The following RANBP17 variants were observed in gnomAD, a reference collection of about 807,000 sequenced individuals.
RANBP17 encodes RAN binding protein 17, also known as ran-binding protein 17.
Under a neutral mutation model 141.2 loss-of-function variants are expected in RANBP17, and 158 were observed. The observed-to-expected ratio is 1.12, with a 90% CI of 0.98 to 1.28. The LOEUF is 1.28. Among genes scored for constraint, RANBP17 ranks in the 50% most tolerant of loss-of-function variants. The pLI is 0.00. For synonymous variants in RANBP17, 430 were observed against 450.0 expected (o/e 0.96, Z 0.56); for missense variants, 1,438 against 1,290.7 (o/e 1.11, Z -1.75).
intron 14 of RANBP17, among the ~76,000 whole-genome samples, chr5:171,088,229 A>G (rs1785853128): frequency 6.6e-6 from 1 of 151,780 alleles, no homozygotes; most frequent in African/African-American, 2.4e-5. Flanking sequence ...TATGAAGCTT[A>G]GTTTGGCTGG....
At chr5:170,937,683 G>A (rs982589200) in intron 12 of RANBP17, among the ~76,000 whole-genome samples, 1 of 152,126 alleles carries the variant, frequency 6.6e-6, no homozygotes, top group Non-Finnish European at 1.5e-5. Flanking sequence ...ATCTTTACAG[G>A]TGACCCTGTA....
intron 14 of RANBP17, among the ~76,000 whole-genome samples, chr5:171,031,731 T>TGAGTAGTAGCAACATGTA (rs1781561642): frequency 6.6e-6 from 1 of 152,036 alleles, no homozygotes; most frequent in Non-Finnish European, 1.5e-5. Flanking sequence ...TCATACCTCC[T>TGAGTAGTAGCAACATGTA]GAGTAGTAGC....
intron 22 of RANBP17, among the ~76,000 whole-genome samples, chr5:171,235,171 T>C (rs963332688): frequency 6.6e-6 from 1 of 152,158 alleles, no homozygotes; most frequent in African/African-American, 2.4e-5. Flanking sequence ...AGTCAGCCAT[T>C]ACATTTAGCA....
At chr5:171,035,737 G>GTTTTTTTTTTTTTTTTTTT (rs781327156) in intron 14 of RANBP17, among the ~76,000 whole-genome samples, 1 of 95,396 alleles carries the variant, frequency 1.0e-5, no homozygotes, top group Non-Finnish European at 2.5e-5. Flanking sequence ...TTCTTTTTTT[G>GTTTTTTTTTTTTTTTTTTT]TTTTTTTTTT....
intron 14 of RANBP17, among the ~76,000 whole-genome samples, chr5:171,082,355 A>G (rs140476844): frequency 0.016 from 2,413 of 152,264 alleles, 29 homozygotes; most frequent in Admixed American, 0.024. Flanking sequence ...GATTAATTCT[A>G]TATTTGATAA....
intron 25 of RANBP17, among the ~76,000 whole-genome samples, chr5:171,276,291 A>T (rs1357838799): frequency 6.6e-6 from 1 of 152,252 alleles, no homozygotes; most frequent in Admixed American, 6.5e-5. Context: ...TGAGTAATGA[A>T]TATTAAATAG....
At chr5:170,951,520 A>G (rs1775211799) in intron 12 of RANBP17, among the ~76,000 whole-genome samples, 1 of 152,172 alleles carries the variant, frequency 6.6e-6, no homozygotes, top group African/African-American at 2.4e-5. Context: ...GATTCCATTT[A>G]TATGAATTGC....
At chr5:171,273,527 A>G (rs1347658133) in intron 25 of RANBP17, among the ~76,000 whole-genome samples, 4 of 152,230 alleles carry the variant, frequency 2.6e-5, no homozygotes, top group Admixed American at 6.5e-5. Flanking sequence ...TTGTTGCCTT[A>G]TAAGAAGGTC....
chr5:171,208,911 T>C (rs562923683), intron 20 of RANBP17, among the ~76,000 whole-genome samples: 22 of 152,352 alleles, frequency 1.4e-4, no homozygotes, highest in African/African-American at 5.0e-4. Context: ...TTCTGTTCCC[T>C]GATACATAAT....
At chr5:170,869,640 A>G (rs1265030963) in intron 1 of RANBP17, among the ~76,000 whole-genome samples, 5 of 152,012 alleles carry the variant, frequency 3.3e-5, no homozygotes, top group East Asian at 1.9e-4. Context: ...ACATCTTCAT[A>G]TGGTCTTCCC....
intron 3 of RANBP17, among the ~76,000 whole-genome samples, chr5:170,889,459 GCAAA>G (rs1381401525): frequency 6.6e-6 from 1 of 152,060 alleles, no homozygotes. Context: ...GAAACAGGAA[GCAAA>G]CAAAAAATCG....
chr5:171,205,141 C>T (rs1382566686), intron 19 of RANBP17, among the ~76,000 whole-genome samples: 4 of 152,152 alleles, frequency 2.6e-5, no homozygotes, highest in African/African-American at 7.2e-5. Context: ...GTTGTGGGGC[C>T]GCTTGCATGC....
chr5:171,285,941 T>G (rs1377892893), intron 25 of RANBP17, among the ~76,000 whole-genome samples: 5 of 152,248 alleles, frequency 3.3e-5, no homozygotes, highest in Non-Finnish European at 7.3e-5. Flanking sequence ...TCTTCTTTCT[T>G]ACAAGCTAGG....
At chr5:170,895,981 A>C (rs1770080715) in intron 4 of RANBP17, 69 bp from the exon 5 acceptor site, 3 of 739,690 alleles carry the variant, frequency 4.1e-6, no homozygotes, top group African/African-American at 1.8e-5. Context: ...TGTAAATGTT[A>C]CCTGGTATAT....
At chr5:170,969,607 T>C (rs1401913571) in intron 14 of RANBP17, among the ~76,000 whole-genome samples, 1 of 151,996 alleles carries the variant, frequency 6.6e-6, no homozygotes, top group Non-Finnish European at 1.5e-5. Context: ...TTGGTGTAGG[T>C]CTTAAATCAA....
intron 24 of RANBP17, among the ~76,000 whole-genome samples, chr5:171,248,202 TA>T (rs1765338165): frequency 6.6e-6 from 1 of 151,772 alleles, no homozygotes; most frequent in African/African-American, 2.4e-5. Flanking sequence ...TCGTCTCTAC[TA>T]AAAATACAAA....
chr5:171,065,491 C>G (rs1232651552), intron 14 of RANBP17, among the ~76,000 whole-genome samples: 2 of 152,098 alleles, frequency 1.3e-5, no homozygotes, highest in Non-Finnish European at 2.9e-5. Flanking sequence ...GGTGATAATG[C>G]TGGCTTGCCC....
chr5:171,034,508 T>G (rs573502679), intron 14 of RANBP17, among the ~76,000 whole-genome samples: 1 of 152,344 alleles, frequency 6.6e-6, no homozygotes, highest in Admixed American at 6.5e-5. Context: ...CAGCCAACTC[T>G]ACCTGGTATA....
intron 24 of RANBP17, chr5:171,252,021 G>T (rs969128437): frequency 2.5e-6 from 4 of 1,607,110 alleles, no homozygotes; most frequent in Non-Finnish European, 3.4e-6. Context: ...TTCTTGCATA[G>T]AAGAGTCAAC....
Sources: gnomAD v4.1 joint callset for allele counts (sites outside exome capture counted in the v4.1 genomes callset) on GRCh38, gnomAD v4.1.1 for gene constraint, MANE v1.5 for transcripts, NCBI Gene and HGNC (gene_info 2026-07-23, HGNC 2026-07-21) for gene names.